NSD3: variants seen among roughly 807,000 people sequenced by gnomAD.
NSD3 encodes histone-lysine N-methyltransferase NSD3.
Under a neutral mutation model 160.8 loss-of-function variants are expected in NSD3, and 24 were observed. The ratio of observed to expected loss-of-function variants is 0.15; its 90% CI spans 0.11 to 0.21. The LOEUF (loss-of-function observed/expected upper bound fraction) is 0.21, where lower values mean the gene tolerates loss of function less well. Among genes scored for constraint, NSD3 ranks in the 10% least tolerant of loss-of-function variants. The pLI is 1.00. For missense variants in NSD3, 1,157 were observed against 1,735.9 expected (o/e 0.67, Z 5.93); for synonymous variants, 520 against 600.0 (o/e 0.87, Z 1.95).
In NSD3 at chr8:38,316,739, G is replaced by A; in HGVS notation, c.1856-697C>T. The A allele has an allele frequency of 9.5e-7, 1 of 1,057,896 alleles. No homozygotes were observed. Among genetic ancestry groups the A allele is most frequent in the Non-Finnish European group, 1.1e-6 (1 of 874,630 alleles). The allele number at this position is 1,057,896 out of a possible 1,614,324, so 65.5% of individuals were successfully genotyped here. A position where few individuals can be genotyped will look rare whatever the true frequency, so the allele number is the denominator to read the frequency against. ...AGCCAAATCACGTAGAGCTGGATGG[G>A]AAGGCCTCTATGTGGAATTTGTGCG... On this transcript the variant is annotated intron_variant, in intron 9 of 23. Coordinates refer to ENST00000317025, the MANE Select transcript of NSD3 (RefSeq NM_023034.2). The surrounding 1 kb of genome is among the most constrained non-coding windows in gnomAD (Gnocchi z 4.5).
At position 38,299,516 on chromosome 8, in the gene NSD3, A is replaced by C; in HGVS notation, c.2686T>G (p.Ser896Ala). Residue 896 changes from serine (S) to alanine (A), a missense_variant, in exon 15 of 24, where the codon TCA (serine) becomes GCA (alanine). Physicochemically the swap from Ser to Ala is moderately conservative, Grantham distance 99. This residue lies in a region of NSD3 where 437 missense variants were observed against 576.6 expected (regional missense o/e 0.76). Transcript: ENST00000317025. Reference protein sequence around the residue: ...AYKSHYLLNESNRAELMKLPM... With the variant: ...AYKSHYLLNEANRAELMKLPM... Reference sequence around the variant, plus strand: ...AATTTCATCAACTCAGCACGATTTGATTCATTCAGTAGGTAGTGGGACTTA... The same window carrying C: ...AATTTCATCAACTCAGCACGATTTGCTTCATTCAGTAGGTAGTGGGACTTA... 6.2e-7 allele frequency: 1 copy of C among 1,613,916 alleles called. No individual in the cohort carries two copies. Among genetic ancestry groups the C allele is most frequent in the East Asian group, 2.2e-5 (1 of 44,872 alleles).
At chr8:38,304,494 GCCT>G (rs1210567598) in intron 14 of NSD3, 90 bp downstream of exon 14, 1 of 1,280,278 alleles carries the variant, frequency 7.8e-7, no homozygotes, top group African/African-American at 1.5e-5. Flanking sequence ...CTACTAGATG[GCCT>G]GAGTTCTTTC....
At chr8:38,282,286 A>G (rs961198129) in intron 19 of NSD3, among the ~76,000 whole-genome samples, 2 of 152,212 alleles carry the variant, frequency 1.3e-5, no homozygotes, top group Middle Eastern at 3.4e-3. Flanking sequence ...TGTGATACTC[A>G]CTCCTTTACA....
At position 38,337,246 on chromosome 8, in the gene NSD3, T is replaced by C; in HGVS notation, c.910+59A>G. On this transcript the variant is annotated intron_variant, in intron 4 of 23. Coordinates refer to ENST00000317025, the MANE Select transcript of NSD3 (RefSeq NM_023034.2). The stretch of plus-strand genomic sequence containing the variant: ...TGTATTCTTATATTCACATACAACA[T>C]TTAAAAGTCACTTTTATTTCCAACC... The C allele has an allele frequency of 1.4e-6, 2 of 1,441,894 alleles. 1 individual carries two copies. The highest frequency in any genetic ancestry group is 3.1e-5 in the South Asian group (2 of 65,158). 89.3% of individuals were successfully genotyped at this position (1,441,894 alleles called of 1,614,324 possible).
intron 1 of NSD3, among the ~76,000 whole-genome samples, chr8:38,374,045 G>T (rs1220048172): frequency 3.3e-5 from 5 of 151,576 alleles, no homozygotes; most frequent in African/African-American, 1.2e-4. Flanking sequence ...AGCCTGGGAA[G>T]TTGAGGCTGC....
rs1402543974 is a variant in NSD3 at position 38,316,896 on chromosome 8, G to C, written c.1856-854C>G. 1 of 1,063,014 alleles carries C rather than the reference G, an allele frequency of 9.4e-7. No individual in the cohort carries two copies. The highest frequency in any genetic ancestry group is 4.6e-5 in the South Asian group (1 of 21,968). 65.8% of individuals were successfully genotyped at this position (1,063,014 alleles called of 1,614,324 possible). On this transcript the variant is annotated intron_variant, in intron 9 of 23. Coordinates refer to ENST00000317025, the MANE Select transcript of NSD3 (RefSeq NM_023034.2). This position sits in a 1 kb window ranked among gnomAD's most constrained non-coding sequence, Gnocchi z 4.5. ...AGCAACAATCTCTTGGGCTAATGCA[G>C]TATAGGCTATACAGAAACAGCCACG...
At chr8:38,325,917 A>C (rs926359081) in intron 7 of NSD3, among the ~76,000 whole-genome samples, 1 of 151,982 alleles carries the variant, frequency 6.6e-6, no homozygotes, top group Admixed American at 6.6e-5. Context: ...TGGGAGGCCG[A>C]GGCAGGTAGA....
At chr8:38,330,687 A>G (rs575650283) in intron 5 of NSD3, among the ~76,000 whole-genome samples, 185 of 152,378 alleles carry the variant, frequency 1.2e-3, no homozygotes, top group African/African-American at 4.2e-3. Context: ...AAATTAATCA[A>G]AATTCTGTGA....
chr8:38,337,098 C>T (rs148647285), intron 4 of NSD3, among the ~76,000 whole-genome samples: 1 of 149,166 alleles, frequency 6.7e-6, no homozygotes. Context: ...GCTGAGATTG[C>T]GCCATTGCAC....
chr8:38,375,085 T>G (rs1811357018), intron 1 of NSD3, among the ~76,000 whole-genome samples: 1 of 152,236 alleles, frequency 6.6e-6, no homozygotes, highest in African/African-American at 2.4e-5. Context: ...CAAGTTATTC[T>G]GTGGGAATTC....
intron 2 of NSD3, among the ~76,000 whole-genome samples, chr8:38,339,675 G>A (rs1810311455): frequency 6.6e-6 from 1 of 150,442 alleles, no homozygotes; most frequent in Admixed American, 6.6e-5. Flanking sequence ...GCAGTGAGCC[G>A]AGATCATGCC....
Position 38,318,811 on chromosome 8 carries a change from G to A in NSD3, c.1855+84C>T. Reference sequence around the variant, plus strand: ...AGAGCAACAACGATTTACAGAGACAGACAAAAATACATGAAGTACAAATAA... The same window carrying A: ...AGAGCAACAACGATTTACAGAGACAAACAAAAATACATGAAGTACAAATAA... On this transcript the variant is annotated intron_variant, in intron 9 of 23. Transcript: ENST00000317025. The surrounding 1 kb of genome is among the most constrained non-coding windows in gnomAD (Gnocchi z 5.3). 3.0e-6 allele frequency: 4 copies of A among 1,347,720 alleles called. No homozygotes were observed. The highest frequency in any genetic ancestry group is 1.2e-5 in the South Asian group (1 of 82,634). 83.5% of individuals were successfully genotyped at this position (1,347,720 alleles called of 1,614,324 possible).
At chr8:38,366,266 A>G (rs752530293) in intron 1 of NSD3, among the ~76,000 whole-genome samples, 44 of 152,190 alleles carry the variant, frequency 2.9e-4, no homozygotes, top group Non-Finnish European at 5.4e-4. Flanking sequence ...GATAAGTTAT[A>G]GTTATCTTTC....
rs1400027433 is a variant in NSD3 at position 38,289,423 on chromosome 8, T to G, written c.3201A>C (p.Ser1067=). ...SKEALEIEKN[S]RKPPPYKHIK... is the part of the protein sequence containing the mutation. ...TGTGTTTGTAGGGAGGGGGTTTTCT[T>G]GAGTTTTTTTCAATCTCTAGGGCTT... is the stretch of plus-strand genomic sequence containing the variant. Residue 1067 remains serine (S), a synonymous_variant, in exon 18 of 24, where the codon TCA becomes TCC. Coordinates refer to ENST00000317025, the MANE Select transcript of NSD3 (RefSeq NM_023034.2). The G allele has an allele frequency of 1.2e-6, 2 of 1,613,644 alleles. No homozygotes were observed. Among genetic ancestry groups the G allele is most frequent in the East Asian group, 4.5e-5 (2 of 44,882 alleles).
chr8:38,328,925 A>G (rs1585891197), intron 6 of NSD3, among the ~76,000 whole-genome samples: 1 of 152,376 alleles, frequency 6.6e-6, no homozygotes, highest in East Asian at 1.9e-4. Flanking sequence ...TCGCAAGCCC[A>G]TAAGAATCTA....
chr8:38,318,814 A>T lies in NSD3; in HGVS notation c.1855+81T>A. The T allele has an allele frequency of 7.2e-7, 1 of 1,382,710 alleles. No individual in the cohort carries two copies. Among genetic ancestry groups the T allele is most frequent in the Non-Finnish European group, 1.0e-6 (1 of 979,390 alleles). 85.7% of individuals were successfully genotyped at this position (1,382,710 alleles called of 1,614,324 possible). A position where few individuals can be genotyped will look rare whatever the true frequency, so the allele number is the denominator to read the frequency against. On this transcript the variant is annotated intron_variant, in intron 9 of 23. Coordinates refer to ENST00000317025, the MANE Select transcript of NSD3 (RefSeq NM_023034.2). This position sits in a 1 kb window ranked among gnomAD's most constrained non-coding sequence, Gnocchi z 5.3. ...GCAACAACGATTTACAGAGACAGAC[A>T]AAAATACATGAAGTACAAATAATTC...
At chr8:38,331,702 T>C in intron 4 of NSD3, 117 bp from the exon 5 acceptor site, 1 of 1,055,224 alleles carries the variant, frequency 9.5e-7, no homozygotes. Context: ...CTTGTATGTT[T>C]GGATTGTCCA....
chr8:38,371,661 A>G (rs965558246), intron 1 of NSD3, among the ~76,000 whole-genome samples: 29 of 152,346 alleles, frequency 1.9e-4, no homozygotes, highest in Non-Finnish European at 8.8e-5. Context: ...GTTTCTCACC[A>G]CAATCTAATA....
At chr8:38,349,177 T>C (rs983065101) in intron 1 of NSD3, among the ~76,000 whole-genome samples, 4 of 152,224 alleles carry the variant, frequency 2.6e-5, no homozygotes, top group African/African-American at 4.8e-5. Context: ...CATCAGCATG[T>C]ATAGACAATT....
Sources: gnomAD v4.1 joint callset for allele counts (sites outside exome capture counted in the v4.1 genomes callset) on GRCh38, gnomAD v4.1.1 for gene constraint, gnomAD v4.1.1 regional missense constraint, Gnocchi (gnomAD v3.1) non-coding constraint, MANE v1.5 for transcripts, NCBI Gene and HGNC (gene_info 2026-07-23, HGNC 2026-07-21) for gene names.